Variants in COMMD1 observed in about 807,000 individuals in gnomAD.
COMMD1 encodes the protein COMM domain-containing protein 1.
A neutral mutation model predicts 17.2 loss-of-function variants in COMMD1; 10 were observed. The ratio of observed to expected loss-of-function variants is 0.58; its 90% confidence interval spans 0.36 to 0.99. The LOEUF is 0.99. Among genes scored for constraint, COMMD1 ranks in the 50% least tolerant of loss-of-function variants. The pLI, the probability that COMMD1 is intolerant of heterozygous loss-of-function variation, is 0.01. For synonymous variants in COMMD1, 97 were observed against 91.6 expected, an observed-to-expected ratio of 1.06 and a Z score of -0.34; for missense variants, 270 against 231.8, an observed-to-expected ratio of 1.17 and a Z score of -1.07.
chr2:61,992,029 TC>T (rs1010919496), intron 1 of COMMD1, among the ~76,000 whole-genome samples: 21 of 152,266 alleles, frequency 1.4e-4, no homozygotes, highest in African/African-American at 4.8e-4. Context: ...GTATAAGAAA[TC>T]TAAACATGAT....
intron 2 of COMMD1, among the ~76,000 whole-genome samples, chr2:62,124,805 C>T (rs1488735960): frequency 6.6e-6 from 1 of 152,114 alleles, no homozygotes; most frequent in African/African-American, 2.4e-5. Flanking sequence ...CTGCCTTGGC[C>T]TCCCAATTTT....
At chr2:61,967,089 T>C (rs1346543676) in intron 1 of COMMD1, among the ~76,000 whole-genome samples, 1 of 152,164 alleles carries the variant, frequency 6.6e-6, no homozygotes, top group Non-Finnish European at 1.5e-5. Context: ...ATCTTTATTA[T>C]AGTGGAAATG....
chr2:61,963,250 C>T (rs957734120), intron 1 of COMMD1, among the ~76,000 whole-genome samples: 2 of 151,002 alleles, frequency 1.3e-5, no homozygotes, highest in South Asian at 2.1e-4. Flanking sequence ...CACACACACA[C>T]ATATATATTT....
At chr2:62,009,601 C>CAA (rs548120221) in intron 2 of COMMD1, among the ~76,000 whole-genome samples, 11 of 72,936 alleles carry the variant, frequency 1.5e-4, no homozygotes, top group African/African-American at 4.3e-4. Flanking sequence ...GAGACTGTCT[C>CAA]AAAAAAAAAA....
chr2:61,941,600 C>T (rs1383441581), intron 1 of COMMD1, among the ~76,000 whole-genome samples: 1 of 152,166 alleles, frequency 6.6e-6, no homozygotes, highest in Non-Finnish European at 1.5e-5. Context: ...GCAGGAAGTC[C>T]CGTTCTCAGG....
At chr2:61,908,435 C>T (rs1051247517) in intron 1 of COMMD1, among the ~76,000 whole-genome samples, 1 of 151,968 alleles carries the variant, frequency 6.6e-6, no homozygotes, top group Non-Finnish European at 1.5e-5. Context: ...CCATGTTGGC[C>T]GGGATGGTTT....
At chr2:61,903,925 C>T (rs749631983), upstream of COMMD1, among the ~76,000 whole-genome samples, 14 of 152,166 alleles carry the variant, frequency 9.2e-5, no homozygotes, top group South Asian at 4.1e-4. Flanking sequence ...ATGCAGGGTA[C>T]GTTCATAAAG....
chr2:62,066,383 A>G (rs551310109), intron 2 of COMMD1, among the ~76,000 whole-genome samples: 10 of 151,996 alleles, frequency 6.6e-5, no homozygotes, highest in Admixed American at 2.0e-4. Flanking sequence ...AATTTTGACT[A>G]CAGCCGCTTC....
intron 1 of COMMD1, among the ~76,000 whole-genome samples, chr2:61,897,713 G>C (rs770422885): frequency 6.6e-6 from 1 of 152,116 alleles, no homozygotes; most frequent in South Asian, 2.1e-4. Context: ...TGCGCCACTA[G>C]ACTCCAGCCT....
chr2:61,905,652 T>A (rs1440058192), upstream of COMMD1: 15 of 1,523,006 alleles, frequency 9.8e-6, no homozygotes, highest in African/African-American at 4.1e-5. Flanking sequence ...ACGGCTCAGC[T>A]GTTGCGGGGC....
Position 61,997,738 on chromosome 2 carries a change from G to A in COMMD1, c.181-2963G>A, listed in dbSNP as rs1668805082. Among the ~76,000 whole-genome samples, 6 of 152,172 alleles carry A rather than the reference G, an allele frequency of 3.9e-5. 1 individual carries two copies. The highest frequency in any genetic ancestry group is 1.2e-4 in the African/African-American group (5 of 41,440). ...CTAGAGTTTTCTGAATGGTAAATGA[G>A]CATTGGCTTCAACTTCAAGTCACCA... On this transcript the variant is annotated intron_variant, in intron 1 of 2. Coordinates refer to ENST00000311832, the MANE Select transcript of COMMD1 (RefSeq NM_152516.4).
intron 1 of COMMD1, among the ~76,000 whole-genome samples, chr2:61,983,422 C>T (rs1351919838): frequency 6.6e-6 from 1 of 152,034 alleles, no homozygotes; most frequent in Non-Finnish European, 1.5e-5. Flanking sequence ...ATCTCCTTGA[C>T]CTCGTGATCC....
At chr2:61,958,140 G>C (rs1475810717) in intron 1 of COMMD1, among the ~76,000 whole-genome samples, 1 of 152,052 alleles carries the variant, frequency 6.6e-6, no homozygotes, top group East Asian at 1.9e-4. Context: ...ATTAAGCCTA[G>C]TACCTTTTAG....
intron 2 of COMMD1, among the ~76,000 whole-genome samples, chr2:62,020,452 C>T (rs973628669): frequency 3.3e-5 from 5 of 151,076 alleles, no homozygotes; most frequent in African/African-American, 1.2e-4. Flanking sequence ...TGTGTAGATT[C>T]CTCTATCCAC....
chr2:61,970,334 T>A lies in COMMD1; in HGVS notation c.181-30367T>A, dbSNP rs565865098. Among the ~76,000 whole-genome samples, 22 of 152,104 alleles carry A rather than the reference T, an allele frequency of 1.4e-4. No individual in the cohort carries two copies. The East Asian group carries it at 4.2e-3, about 29-fold the overall frequency. On this transcript the variant is annotated intron_variant, in intron 1 of 2. Coordinates refer to ENST00000311832, the MANE Select transcript of COMMD1 (RefSeq NM_152516.4). ...GAGTTTTCTGCATTTTAAAAAATTA[T>A]TAAAAAGGATATACAGTTGTCCCTT...
chr2:62,000,695 TTATAGTC>T lies in COMMD1; in HGVS notation c.181-2_185del, dbSNP rs1349468196. ...AAATTTTTTGCTTTTTCTGTCATCT[TTATAGTC>T]TATTGCGTCTGCAGACATGGATTTC... is the stretch of plus-strand genomic sequence containing the variant. On this transcript the variant is annotated splice_acceptor_variant and splice_polypyrimidine_tract_variant and coding_sequence_variant and intron_variant, in exon 2 of 3. Transcript: ENST00000311832. LOFTEE classifies it high-confidence loss of function. 1 of 1,614,102 alleles carries T rather than the reference TTATAGTC, an allele frequency of 6.2e-7. No homozygotes were observed. The highest frequency in any genetic ancestry group is 8.5e-7 in the Non-Finnish European group (1 of 1,179,996).
intron 2 of COMMD1, among the ~76,000 whole-genome samples, chr2:62,027,510 A>G (rs1669791106): frequency 6.6e-6 from 1 of 152,246 alleles, no homozygotes; most frequent in African/African-American, 2.4e-5. Context: ...CACCTCTTTT[A>G]GAACTGTATT....
chr2:61,894,327 C>G (rs912739458), intron 1 of COMMD1, among the ~76,000 whole-genome samples: 2 of 151,998 alleles, frequency 1.3e-5, no homozygotes, highest in African/African-American at 4.8e-5. Flanking sequence ...GTCTTGAACT[C>G]CTGGTCTCAA....
At chr2:62,090,572 A>G (rs747408766) in intron 2 of COMMD1, 3 of 152,228 alleles carry the variant, frequency 2.0e-5, no homozygotes, top group Admixed American at 6.5e-5. Context: ...TATTTTTCCA[A>G]CCACTTTTGT....
Sources: gnomAD v4.1 joint callset for allele counts (sites outside exome capture counted in the v4.1 genomes callset) on GRCh38, gnomAD v4.1.1 for gene constraint, MANE v1.5 for transcripts, NCBI Gene and HGNC (gene_info 2026-07-23, HGNC 2026-07-21) for gene names.